The following PCDHA4 variants were observed in gnomAD, a reference collection of about 807,000 sequenced individuals.
The protein encoded by PCDHA4 is protocadherin alpha 4.
Under a neutral mutation model 61.4 loss-of-function variants are expected in PCDHA4, and 49 were observed. The ratio of observed to expected loss-of-function variants is 0.80; its 90% confidence interval spans 0.63 to 1.01. The LOEUF is 1.01. PCDHA4 is among the 50% of genes least tolerant of loss of function. The pLI, the probability that PCDHA4 is intolerant of heterozygous loss-of-function variation, is 0.00. For synonymous variants in PCDHA4, 590 were observed against 550.3 expected (o/e 1.07, Z -1.01); for missense variants, 1,254 against 1,235.8 (o/e 1.01, Z -0.22).
Position 140,876,997 on chromosome 5 carries a change from T to G in PCDHA4, c.2385+67425T>G, listed in dbSNP as rs1024280391. 6.8e-6 allele frequency: 11 copies of G among 1,612,358 alleles called. No homozygotes were observed. The African/African-American group carries it at 1.1e-4, about 16-fold the overall frequency. On this transcript the variant is annotated intron_variant, in intron 1 of 3. Transcript: ENST00000530339. ...CGAGCACGCACTGTCGAGCTACGTG[T>G]CGGTGCACGCGGAGAGCGGCAAGGT...
chr5:140,848,112 A>G, intron 1 of PCDHA4: 1 of 176,234 alleles, frequency 5.7e-6, no homozygotes, highest in South Asian at 1.5e-4. Context: ...GGATAAGAAA[A>G]CCACAATCAA....
At position 141,011,322 on chromosome 5, in the gene PCDHA4, C is replaced by T. The variant is rs1210973958; in HGVS notation, c.*1385C>T. The T allele has an allele frequency of 2.0e-5, 3 of 153,698 alleles. No individual in the cohort carries two copies. The highest frequency in any genetic ancestry group is 7.2e-5 in the African/African-American group (3 of 41,430). The allele number at this position is 153,698 out of a possible 1,614,324, so 9.5% of individuals were successfully genotyped here. On this transcript the variant is annotated 3_prime_UTR_variant, in exon 4 of 4. Coordinates refer to ENST00000530339, the MANE Select transcript of PCDHA4 (RefSeq NM_018907.4). Reference sequence around the variant, plus strand: ...CTCTGAATTGCTAATCTTACTAACACCTATGATGTTACCTGAAATCAATCT... The same window carrying T: ...CTCTGAATTGCTAATCTTACTAACATCTATGATGTTACCTGAAATCAATCT...
At chr5:140,865,102 A>G (rs1251688673) in intron 1 of PCDHA4, 2 of 152,206 alleles carry the variant, frequency 1.3e-5, no homozygotes, top group Non-Finnish European at 2.9e-5. Context: ...AGGCACTTCC[A>G]CTTGACAATT....
chr5:140,926,936 G>A, intron 1 of PCDHA4: 1 of 1,580,648 alleles, frequency 6.3e-7, no homozygotes, highest in Non-Finnish European at 8.6e-7. Context: ...TGGGTTTCCT[G>A]CGGCGCTGCA....
At chr5:140,931,460 G>GA (rs3836748) in intron 1 of PCDHA4, among the ~76,000 whole-genome samples, 48,962 of 151,596 alleles carry the variant, frequency 0.32, 8,170 homozygotes, top group East Asian at 0.53. Flanking sequence ...AAAAATATAG[G>GA]AATGACAGAG....
chr5:140,903,014 A>G (rs551984849), intron 1 of PCDHA4, among the ~76,000 whole-genome samples: 1 of 152,322 alleles, frequency 6.6e-6, no homozygotes, highest in African/African-American at 2.4e-5. Context: ...TTGTGCTGCT[A>G]TCAACATGGC....
chr5:140,875,485 G>A (rs367652529), intron 1 of PCDHA4: 13 of 1,611,424 alleles, frequency 8.1e-6, no homozygotes, highest in African/African-American at 1.3e-5. Context: ...GGTGATTATC[G>A]GACCAAGAGG....
intron 1 of PCDHA4, chr5:140,966,850 C>A: frequency 6.4e-7 from 1 of 1,572,900 alleles, no homozygotes; most frequent in Non-Finnish European, 8.6e-7. Flanking sequence ...TACTGCCTCT[C>A]CTGCTGCTGT....
At chr5:140,940,600 G>A (rs576348550) in intron 1 of PCDHA4, among the ~76,000 whole-genome samples, 36 of 152,074 alleles carry the variant, frequency 2.4e-4, no homozygotes, top group African/African-American at 8.4e-4. Flanking sequence ...GGCATGAGCC[G>A]CTGCTCCTGG....
At chr5:140,920,199 C>G (rs2079510871) in intron 1 of PCDHA4, among the ~76,000 whole-genome samples, 1 of 152,116 alleles carries the variant, frequency 6.6e-6, no homozygotes, top group African/African-American at 2.4e-5. Flanking sequence ...GTCACAGCAG[C>G]CACAGAAAAC....
intron 1 of PCDHA4, chr5:140,871,599 T>G: frequency 1.4e-6 from 2 of 1,447,906 alleles, no homozygotes; most frequent in Non-Finnish European, 1.8e-6. Flanking sequence ...GAATAACCAG[T>G]GTTTTGAATA....
chr5:140,829,050 T>C (rs1554131730), intron 1 of PCDHA4: 3 of 1,613,108 alleles, frequency 1.9e-6, no homozygotes, highest in African/African-American at 2.7e-5. Context: ...AAAATCCTCA[T>C]TGACGCCACG....
intron 1 of PCDHA4, chr5:140,928,939 T>G (rs367874769): frequency 6.2e-7 from 1 of 1,614,012 alleles, no homozygotes; most frequent in African/African-American, 1.3e-5. Context: ...CCAGAACTTG[T>G]ATTTAGTAAT....
At chr5:140,868,882 T>G in intron 1 of PCDHA4, 1 of 715,192 alleles carries the variant, frequency 1.4e-6, no homozygotes, top group Non-Finnish European at 2.2e-6. Context: ...GTACTCACAG[T>G]TTTAGGCGCA....
intron 3 of PCDHA4, among the ~76,000 whole-genome samples, chr5:140,987,154 C>T (rs1404083891): frequency 6.6e-6 from 1 of 150,704 alleles, no homozygotes; most frequent in Non-Finnish European, 1.5e-5. Flanking sequence ...GTGGAGGTTG[C>T]AGTGAGCTGA....
chr5:140,969,257 A>G, intron 1 of PCDHA4: 1 of 1,614,220 alleles, frequency 6.2e-7, no homozygotes, highest in Non-Finnish European at 8.5e-7. Context: ...TGACAGCAGG[A>G]ATCTCACAGG....
intron 1 of PCDHA4, chr5:140,928,209 T>C: frequency 6.2e-7 from 1 of 1,614,222 alleles, no homozygotes; most frequent in South Asian, 1.1e-5. Flanking sequence ...CTGATGTGAA[T>C]GACAATACAC....
At chr5:140,977,337 G>A (rs1554238444) in intron 1 of PCDHA4, among the ~76,000 whole-genome samples, 4 of 152,150 alleles carry the variant, frequency 2.6e-5, no homozygotes, top group South Asian at 2.1e-4. Context: ...GGGGAGAGAC[G>A]GTGATGATGA....
intron 1 of PCDHA4, chr5:140,850,352 C>A: frequency 6.3e-7 from 1 of 1,597,824 alleles, no homozygotes; most frequent in Non-Finnish European, 8.6e-7. Context: ...CCAGCGCGAG[C>A]ATCCCGTTCC....
Sources: allele counts gnomAD v4.1 joint callset (sites outside exome capture counted in the v4.1 genomes callset), GRCh38; gene constraint gnomAD v4.1.1; transcripts MANE v1.5; gene names NCBI Gene and HGNC (gene_info 2026-07-23, HGNC 2026-07-21).